Variants in FAM222B observed in about 807,000 individuals in gnomAD.
The protein encoded by FAM222B is protein FAM222B.
A neutral mutation model predicts 38.0 loss-of-function variants in FAM222B; 12 were observed. The ratio of observed to expected loss-of-function variants is 0.32; its 90% CI spans 0.20 to 0.51. The LOEUF (loss-of-function observed/expected upper bound fraction) is 0.51, where lower values mean the gene tolerates loss of function less well. Among genes scored for constraint, FAM222B ranks in the 20% least tolerant of loss-of-function variants. The pLI is 0.97. For missense variants in FAM222B, 716 were observed against 754.2 expected, an observed-to-expected ratio of 0.95 and a Z score of 0.59; for synonymous variants, 329 against 317.2, an observed-to-expected ratio of 1.04 and a Z score of -0.40.
chr17:28,799,016 AC>A (rs2037082939), intron 1 of FAM222B, among the ~76,000 whole-genome samples: 1 of 135,666 alleles, frequency 7.4e-6, no homozygotes, highest in South Asian at 2.5e-4. Flanking sequence ...CACTCTGTTG[AC>A]AGGATGGAGT....
chr17:28,809,576 G>A (rs2037647370), intron 1 of FAM222B, among the ~76,000 whole-genome samples: 1 of 152,250 alleles, frequency 6.6e-6, no homozygotes, highest in East Asian at 1.9e-4. Flanking sequence ...ATACATTTAT[G>A]ATTAGTTCTA....
intron 1 of FAM222B, among the ~76,000 whole-genome samples, chr17:28,824,316 T>C (rs2038363724): frequency 1.3e-5 from 2 of 151,922 alleles, no homozygotes; most frequent in East Asian, 1.9e-4. Context: ...CCTCAAGTAG[T>C]TGGGACCACA....
chr17:28,773,471 C>G (rs1196676250), intron 1 of FAM222B, among the ~76,000 whole-genome samples: 1 of 113,054 alleles, frequency 8.8e-6, no homozygotes, highest in Non-Finnish European at 1.8e-5. Flanking sequence ...AAGAGTGAAA[C>G]TCTGTCTCAA....
chr17:28,823,362 A>G (rs377205681), intron 1 of FAM222B, among the ~76,000 whole-genome samples: 247 of 139,676 alleles, frequency 1.8e-3, no homozygotes, highest in Non-Finnish European at 3.2e-3. Context: ...ACTCCGTTCT[A>G]TTTTTTTTTT....
chr17:28,820,859 A>G (rs1472394211), intron 1 of FAM222B, among the ~76,000 whole-genome samples: 1 of 151,784 alleles, frequency 6.6e-6, no homozygotes, highest in East Asian at 1.9e-4. Flanking sequence ...GCTGGTTTCA[A>G]ACTCCTGACG....
chr17:28,783,041 G>A (rs2036229769), intron 1 of FAM222B, among the ~76,000 whole-genome samples: 1 of 151,790 alleles, frequency 6.6e-6, no homozygotes, highest in Non-Finnish European at 1.5e-5. Context: ...GGGAGGCTGA[G>A]GCAGAAGAAT....
chr17:28,774,385 C>A (rs569564683), intron 1 of FAM222B, among the ~76,000 whole-genome samples: 70 of 152,250 alleles, frequency 4.6e-4, no homozygotes, highest in African/African-American at 1.6e-3. Context: ...TTGGCAGAGC[C>A]TCTCTGTGAG....
intron 1 of FAM222B, among the ~76,000 whole-genome samples, chr17:28,804,358 C>G (rs1198977969): frequency 6.6e-6 from 1 of 151,480 alleles, no homozygotes; most frequent in Non-Finnish European, 1.5e-5. Flanking sequence ...TTTTTTCAGG[C>G]ACAGTCTCGC....
At chr17:28,826,516 A>G (rs540340624) in intron 1 of FAM222B, among the ~76,000 whole-genome samples, 1 of 151,902 alleles carries the variant, frequency 6.6e-6, no homozygotes, top group South Asian at 2.1e-4. Context: ...CCCTGTCTCT[A>G]CTAAACACAA....
chr17:28,835,912 T>A (rs2038831505), intron 1 of FAM222B, among the ~76,000 whole-genome samples: 2 of 152,002 alleles, frequency 1.3e-5, no homozygotes, highest in Non-Finnish European at 2.9e-5. Context: ...TGGGCTCAGG[T>A]GATCCTCCTG....
upstream of FAM222B, among the ~76,000 whole-genome samples, chr17:28,846,151 C>A (rs61461033): frequency 3.5e-3 from 512 of 146,762 alleles, 4 homozygotes; most frequent in African/African-American, 0.012. Flanking sequence ...TGCAGTGAGC[C>A]GAGACCATGC....
Position 28,782,615 on chromosome 17 carries a change from G to A in FAM222B, c.-40-15908C>T, listed in dbSNP as rs374613584. Reference sequence around the variant, plus strand: ...ATATGAATGCTGGGTATGTAAATATGGTATAACAAGAATTTTTAAAAATTA... The same window carrying A: ...ATATGAATGCTGGGTATGTAAATATAGTATAACAAGAATTTTTAAAAATTA... On this transcript the variant is annotated intron_variant, in intron 1 of 2. Transcript: ENST00000581407. Among the ~76,000 whole-genome samples the A allele has an allele frequency of 1.4e-4, 22 of 152,124 alleles. No homozygotes were observed. The East Asian group carries it at 2.5e-3, about 17-fold the overall frequency.
At chr17:28,813,140 AAC>A (rs1309742732) in intron 1 of FAM222B, among the ~76,000 whole-genome samples, 8 of 135,172 alleles carry the variant, frequency 5.9e-5, no homozygotes, top group Non-Finnish European at 1.1e-4. Context: ...AAAAAAAAAA[AAC>A]ACACACATAC....
intron 1 of FAM222B, among the ~76,000 whole-genome samples, chr17:28,801,451 CAA>C (rs766189732): frequency 0.2 from 18,201 of 89,604 alleles, 804 homozygotes; most frequent in South Asian, 0.28. Context: ...GACTCCGTCT[CAA>C]AAAAAAAAAA....
intron 2 of FAM222B, among the ~76,000 whole-genome samples, chr17:28,765,956 G>A (rs1419765032): frequency 6.6e-6 from 1 of 152,190 alleles, no homozygotes; most frequent in Non-Finnish European, 1.5e-5. Context: ...CAAGAGAACA[G>A]CATAGTTTAT....
intron 1 of FAM222B, among the ~76,000 whole-genome samples, chr17:28,819,004 A>G (rs1048555619): frequency 6.6e-6 from 1 of 152,210 alleles, no homozygotes; most frequent in Non-Finnish European, 1.5e-5. Context: ...ACAATCCTAT[A>G]ATCTGTCAGA....
At chr17:28,792,506 C>A (rs12453504) in intron 1 of FAM222B, among the ~76,000 whole-genome samples, 28,677 of 151,266 alleles carry the variant, frequency 0.19, 2,851 homozygotes, top group South Asian at 0.3. Flanking sequence ...ACAAGTTGGG[C>A]GCAGTGGCTC....
rs1032149459 is a variant in FAM222B, at chr17:28,758,655, A to G, written c.1304T>C (p.Val435Ala). 2.4e-5 allele frequency: 38 copies of G among 1,610,048 alleles called. No individual in the cohort carries two copies. Among genetic ancestry groups the G allele is most frequent in the Non-Finnish European group, 3.2e-5 (38 of 1,178,060 alleles). The change falls in exon 3 of 3, where the codon GTC becomes GCC. Residue 435 changes from valine to alanine, a missense_variant. Transcript: ENST00000581407. Reference sequence around the variant, plus strand: ...GGCCAATGGGGCTGCCATGCCGTTGACTGGTGGGGATGGGGTCGGCTTTTC... The same window carrying G: ...GGCCAATGGGGCTGCCATGCCGTTGGCTGGTGGGGATGGGGTCGGCTTTTC... ...PLEKPTPSPP[V>A]NGMAAPLAYP...
At chr17:28,782,378 A>C (rs933774776) in intron 1 of FAM222B, among the ~76,000 whole-genome samples, 1 of 152,236 alleles carries the variant, frequency 6.6e-6, no homozygotes, top group Non-Finnish European at 1.5e-5. Context: ...AAGATGTGAA[A>C]AAAGATTTAC....
Sources: gnomAD v4.1 joint callset for allele counts (sites outside exome capture counted in the v4.1 genomes callset) on GRCh38, gnomAD v4.1.1 for gene constraint, MANE v1.5 for transcripts, NCBI Gene and HGNC (gene_info 2026-07-23, HGNC 2026-07-21) for gene names.